LRRC4C: variants seen among roughly 807,000 people sequenced by gnomAD.
LRRC4C encodes leucine rich repeat containing 4C, also known as leucine-rich repeat-containing protein 4C.
LRRC4C carries 5 observed loss-of-function variants against 33.6 expected under a neutral mutation model. The observed-to-expected ratio is 0.15, with a 90% CI of 0.08 to 0.31. LRRC4C has a LOEUF of 0.31. LRRC4C is among the 10% of genes least tolerant of loss of function. The pLI is 1.00. For missense variants in LRRC4C, 560 were observed against 796.7 expected (o/e 0.70, Z 3.58); for synonymous variants, 329 against 302.0 (o/e 1.09, Z -0.93).
At position 40,474,458 on chromosome 11, in the gene LRRC4C, A is replaced by G. The variant is rs757296150; in HGVS notation, c.-269-154737T>C. ...CAGGATGGGTTAAAGACTTAAACGT[A>G]AGACCTAAAACCATAAAAACCCTTG... On this transcript the variant is annotated intron_variant, in intron 3 of 6. Coordinates refer to ENST00000528697, the MANE Select transcript of LRRC4C (RefSeq NM_001258419.2). Among the ~76,000 whole-genome samples, 8 of 152,178 alleles carry G rather than the reference A, an allele frequency of 5.3e-5. No individual in the cohort carries two copies. In the South Asian group the frequency reaches 8.3e-4, roughly 16 times the overall value.
At chr11:40,761,329 G>A (rs1949200260) in intron 2 of LRRC4C, among the ~76,000 whole-genome samples, 1 of 152,094 alleles carries the variant, frequency 6.6e-6, no homozygotes, top group Non-Finnish European at 1.5e-5. Flanking sequence ...ATAGGAAAAT[G>A]CATGGGAATA....
intron 2 of LRRC4C, among the ~76,000 whole-genome samples, chr11:40,728,450 G>GAA (rs557426152): frequency 5.0e-5 from 7 of 139,872 alleles, no homozygotes; most frequent in Admixed American, 2.8e-4. Flanking sequence ...ACTAAAAAAA[G>GAA]AAAAAAAAAA....
intron 1 of LRRC4C, among the ~76,000 whole-genome samples, chr11:41,302,133 G>T (rs11036348): frequency 0.045 from 6,883 of 152,232 alleles, 203 homozygotes; most frequent in South Asian, 0.074. Flanking sequence ...CAGTGAGGAT[G>T]ACTCAAAAAT....
At chr11:41,157,101 G>A (rs750774639) in intron 1 of LRRC4C, among the ~76,000 whole-genome samples, 14 of 152,082 alleles carry the variant, frequency 9.2e-5, no homozygotes, top group Non-Finnish European at 1.5e-4. Context: ...ACCTGCCAGC[G>A]CCTTGATCTT....
chr11:41,433,273 T>C (rs1353904139), intron 1 of LRRC4C, among the ~76,000 whole-genome samples: 2 of 152,172 alleles, frequency 1.3e-5, no homozygotes, highest in African/African-American at 4.8e-5. Context: ...CCAAAGCATA[T>C]ATAACACTCC....
intron 1 of LRRC4C, among the ~76,000 whole-genome samples, chr11:41,068,830 C>G (rs1320357733): frequency 6.6e-6 from 1 of 152,108 alleles, no homozygotes; most frequent in Non-Finnish European, 1.5e-5. Flanking sequence ...CGGCCGAATT[C>G]TACCAAAAGA....
chr11:40,476,622 G>A (rs1410938697), intron 3 of LRRC4C, among the ~76,000 whole-genome samples: 1 of 152,084 alleles, frequency 6.6e-6, no homozygotes, highest in African/African-American at 2.4e-5. Flanking sequence ...GGGATTACAG[G>A]CGTAAGCCAC....
chr11:41,399,431 T>C (rs1190942706), intron 1 of LRRC4C, among the ~76,000 whole-genome samples: 1 of 151,862 alleles, frequency 6.6e-6, no homozygotes, highest in Non-Finnish European at 1.5e-5. Context: ...TTGCAATGAG[T>C]GCATGAAATT....
intron 1 of LRRC4C, among the ~76,000 whole-genome samples, chr11:41,344,270 A>G (rs1292066814): frequency 7.9e-6 from 1 of 126,566 alleles, no homozygotes; most frequent in Non-Finnish European, 1.6e-5. Flanking sequence ...TCTGTCACCC[A>G]GGCTGGAGTG....
At chr11:40,580,673 T>G (rs1194043143) in intron 3 of LRRC4C, among the ~76,000 whole-genome samples, 4 of 152,204 alleles carry the variant, frequency 2.6e-5, no homozygotes, top group African/African-American at 9.6e-5. Flanking sequence ...GATTCCCTAT[T>G]AAAAGACAAA....
At chr11:40,492,785 TTC>T (rs1954227346) in intron 3 of LRRC4C, among the ~76,000 whole-genome samples, 1 of 152,122 alleles carries the variant, frequency 6.6e-6, no homozygotes, top group African/African-American at 2.4e-5. Context: ...TGCAAGAGTA[TTC>T]TGTCTTTCTC....
chr11:40,279,127 C>T (rs1337140094), intron 4 of LRRC4C, among the ~76,000 whole-genome samples: 1 of 152,144 alleles, frequency 6.6e-6, no homozygotes, highest in African/African-American at 2.4e-5. Flanking sequence ...TCAAACTACA[C>T]CTGAACTCCA....
intron 3 of LRRC4C, among the ~76,000 whole-genome samples, chr11:40,511,770 A>C (rs2135142398): frequency 6.6e-6 from 1 of 152,284 alleles, no homozygotes; most frequent in Admixed American, 6.5e-5. Context: ...GCACTTCTGA[A>C]AAAGTTTCTG....
chr11:41,045,062 C>T lies in LRRC4C; in HGVS notation c.-495-111339G>A, dbSNP rs141985024. On this transcript the variant is annotated intron_variant, in intron 1 of 6. Coordinates refer to ENST00000528697, the MANE Select transcript of LRRC4C (RefSeq NM_001258419.2). ...ATTTCAATGAGCATTTCTTGAAAATCGTTACTCATCACTGATTTTTTTTCT... is the reference window on the plus strand; with the variant it reads ...ATTTCAATGAGCATTTCTTGAAAATTGTTACTCATCACTGATTTTTTTTCT... Among the ~76,000 whole-genome samples, 304 of 152,150 alleles carry T rather than the reference C, an allele frequency of 2.0e-3. 1 individual carries two copies. Among genetic ancestry groups the T allele is most frequent in the African/African-American group, 5.8e-3 (242 of 41,524 alleles).
intron 1 of LRRC4C, among the ~76,000 whole-genome samples, chr11:41,315,252 G>T (rs1950754150): frequency 6.6e-6 from 1 of 152,120 alleles, no homozygotes; most frequent in South Asian, 2.1e-4. Context: ...TTTCCAAGAT[G>T]GTCCCCAATG....
At chr11:40,487,049 A>C (rs1953899356) in intron 3 of LRRC4C, among the ~76,000 whole-genome samples, 1 of 152,034 alleles carries the variant, frequency 6.6e-6, no homozygotes, top group Admixed American at 6.6e-5. Context: ...GGCTCCTAGA[A>C]AGTCTGTTAA....
At chr11:40,928,296 T>C (rs1957477500) in intron 2 of LRRC4C, among the ~76,000 whole-genome samples, 1 of 150,970 alleles carries the variant, frequency 6.6e-6, no homozygotes, top group African/African-American at 2.4e-5. Context: ...AATATTAAGA[T>C]GTCACGGACT....
chr11:41,249,094 G>A (rs895514182), intron 1 of LRRC4C, among the ~76,000 whole-genome samples: 1 of 151,524 alleles, frequency 6.6e-6, no homozygotes, highest in Non-Finnish European at 1.5e-5. Context: ...GAGTGCAGTG[G>A]CACGATCTCG....
intron 1 of LRRC4C, among the ~76,000 whole-genome samples, chr11:40,977,708 T>C (rs1478291834): frequency 6.6e-6 from 1 of 152,206 alleles, no homozygotes; most frequent in Non-Finnish European, 1.5e-5. Flanking sequence ...TAGCTTTATT[T>C]GACTGTCTGA....
Sources: allele counts gnomAD v4.1 joint callset (sites outside exome capture counted in the v4.1 genomes callset), GRCh38; gene constraint gnomAD v4.1.1; transcripts MANE v1.5; gene names NCBI Gene and HGNC (gene_info 2026-07-23, HGNC 2026-07-21).